Variants in ZNF114 observed in about 807,000 individuals in gnomAD.
The protein encoded by ZNF114 is zinc finger protein 114 (Y18).
Under a neutral mutation model 6.8 loss-of-function variants are expected in ZNF114, and 8 were observed. That is an observed-to-expected ratio of 1.18 (90% confidence interval 0.69 to 2.13). ZNF114 has a LOEUF of 2.13. ZNF114 is among the 30% of genes most tolerant of loss of function. The probability of loss-of-function intolerance (pLI) is 0.00; values close to 1 mark genes in which losing one functional copy is unlikely to be tolerated. For synonymous variants in ZNF114, 169 were observed against 185.5 expected (o/e 0.91, Z 0.72); for missense variants, 472 against 519.5 (o/e 0.91, Z 0.89).
Position 48,282,421 on chromosome 19 carries a change from G to A in ZNF114, c.60G>A (p.Trp20Ter). The A allele has an allele frequency of 6.2e-7, 1 of 1,613,546 alleles. No homozygotes were observed. Among genetic ancestry groups the A allele is most frequent in the Non-Finnish European group, 8.5e-7 (1 of 1,179,722 alleles). Residue 20 changes from tryptophan to a stop codon, truncating the protein, a stop_gained, in exon 5 of 6, where the codon TGG becomes TGA. Transcript: ENST00000595607. LOFTEE classifies it high-confidence loss of function. ...DVAVNFTKEE[W>*]TLLDPAQRNL... The stretch of plus-strand genomic sequence containing the variant: ...CTGTGAACTTCACCAAAGAGGAGTG[G>A]ACCCTGCTGGACCCAGCTCAGAGGA...
intron 3 of ZNF114, among the ~76,000 whole-genome samples, 176 bp from the exon 4 acceptor site, chr19:48,279,555 G>A (rs1967937509): frequency 7.7e-6 from 1 of 129,526 alleles, no homozygotes; most frequent in Non-Finnish European, 1.7e-5. Context: ...GTGAGGGGAT[G>A]GGGGTGTGTG....
In ZNF114 at chr19:48,285,790, G is replaced by A. The variant is rs781534522; in HGVS notation, c.166G>A (p.Ala56Thr). The A allele has an allele frequency of 1.6e-5, 25 of 1,609,868 alleles. No homozygotes were observed. Among genetic ancestry groups the A allele is most frequent in the Admixed American group, 1.0e-4 (6 of 58,746 alleles). The change falls in exon 6 of 6, where the codon GCA becomes ACA. Residue 56 changes from alanine (A) to threonine (T), a missense_variant. Ala to Thr is a moderately conservative substitution (Grantham distance 58, BLOSUM62 0). Transcript: ENST00000595607. The part of the protein sequence containing the change: ...DWATPCKTKD[A>T]TPQPDILPKR... ...GGCAACTCCATGTAAAACCAAAGAC[G>A]CAACCCCTCAGCCGGATATTCTTCC...
intron 3 of ZNF114, among the ~76,000 whole-genome samples, chr19:48,278,696 C>G (rs1967912849): frequency 6.6e-6 from 1 of 152,164 alleles, no homozygotes; most frequent in Admixed American, 6.5e-5. Flanking sequence ...AATTCCAGCA[C>G]TTTGGGAGGG....
At chr19:48,271,620 T>G (rs1967660672) in intron 2 of ZNF114, 107 bp from the exon 3 acceptor site, 1 of 152,234 alleles carries the variant, frequency 6.6e-6, no homozygotes, top group Admixed American at 6.5e-5. Flanking sequence ...CCTTACACCG[T>G]CCATTTTGAG....
intron 5 of ZNF114, among the ~76,000 whole-genome samples, chr19:48,284,449 G>GA (rs1019831761): frequency 6.6e-6 from 1 of 151,692 alleles, no homozygotes; most frequent in Non-Finnish European, 1.5e-5. Flanking sequence ...AAAAAAGAAA[G>GA]AAAAAAACAG....
chr19:48,275,004 C>T (rs548906593), intron 3 of ZNF114, among the ~76,000 whole-genome samples: 2 of 151,324 alleles, frequency 1.3e-5, no homozygotes, highest in Admixed American at 6.6e-5. Context: ...TGGCCAGGCA[C>T]GGTGACTCAC....
In ZNF114 at chr19:48,286,928, G is replaced by A. The variant is rs748577300; in HGVS notation, c.*50G>A. On this transcript the variant is annotated 3_prime_UTR_variant, in exon 6 of 6. Transcript: ENST00000595607. ...AATTTTCTGACTGTACCAAACATGT[G>A]AGGAGGACATATTGGAAGGGAGCTC... The A allele has an allele frequency of 6.6e-7, 1 of 1,517,582 alleles. No individual in the cohort carries two copies. The highest frequency in any genetic ancestry group is 8.8e-7 in the Non-Finnish European group (1 of 1,138,112). The allele number at this position is 1,517,582 out of a possible 1,614,324, so 94.0% of individuals were successfully genotyped here. A position where few individuals can be genotyped will look rare whatever the true frequency, so the allele number is the denominator to read the frequency against.
At chr19:48,279,916 C>A in intron 4 of ZNF114, 108 bp downstream of exon 4, 1 of 1,530,624 alleles carries the variant, frequency 6.5e-7, no homozygotes. Context: ...CCAGGCAGGG[C>A]CCCCCGCCAG....
chr19:48,270,252 A>G (rs974411071), intron 1 of ZNF114, 33 bp downstream of exon 1: 1 of 151,776 alleles, frequency 6.6e-6, no homozygotes, highest in Non-Finnish European at 1.5e-5. Flanking sequence ...AAAAAAAATT[A>G]AAATTAGCCA....
chr19:48,275,589 G>A (rs968087897), intron 3 of ZNF114, among the ~76,000 whole-genome samples: 14 of 152,086 alleles, frequency 9.2e-5, no homozygotes, highest in African/African-American at 3.4e-4. Context: ...CAGCCTGGGT[G>A]ATAGAGCGAG....
chr19:48,275,818 T>C (rs12974275), intron 3 of ZNF114, among the ~76,000 whole-genome samples: 7,486 of 151,218 alleles, frequency 0.05, 414 homozygotes, highest in Middle Eastern at 0.14. Flanking sequence ...CCGTCTCTAC[T>C]AAAAATACAA....
In ZNF114 at chr19:48,287,532, A is replaced by T. The variant is rs1415866773; in HGVS notation, c.*654A>T. On this transcript the variant is annotated 3_prime_UTR_variant, in exon 6 of 6. Transcript: ENST00000595607. ...AAAAGTAGGAAAGACCTCTTTAAAC[A>T]CTTACCACTCATGTTGCATGTGAAT... 1 of 151,870 alleles carries T rather than the reference A, an allele frequency of 6.6e-6. No individual in the cohort carries two copies. The highest frequency in any genetic ancestry group is 2.1e-4 in the South Asian group (1 of 4,818). The allele number at this position is 151,870 out of a possible 1,614,324, so 9.4% of individuals were successfully genotyped here.
chr19:48,286,487 C>T lies in ZNF114; in HGVS notation c.863C>T (p.Ala288Val). ...DCQTGATSAN[A>V]PNSGSHKSHC... Reference sequence around the variant, plus strand: ...CAAACTGGGGCAACCTCTGCCAACGCTCCAAATTCCGGTTCACACAAGAGT... The same window carrying T: ...CAAACTGGGGCAACCTCTGCCAACGTTCCAAATTCCGGTTCACACAAGAGT... Residue 288 changes from alanine (A) to valine (V), a missense_variant, in exon 6 of 6, where the codon GCT becomes GTT. By Grantham distance (64) the Ala-to-Val change is moderately conservative. Coordinates refer to ENST00000595607, the MANE Select transcript of ZNF114 (RefSeq NM_153608.4). 9 of 1,614,174 alleles carry T rather than the reference C, an allele frequency of 5.6e-6. No individual in the cohort carries two copies. Among genetic ancestry groups the T allele is most frequent in the Non-Finnish European group, 7.6e-6 (9 of 1,180,032 alleles).
Position 48,286,027 on chromosome 19 carries a change from A to T in ZNF114, c.403A>T (p.Thr135Ser). 6.2e-7 allele frequency: 1 copy of T among 1,613,952 alleles called. No individual in the cohort carries two copies. The highest frequency in any genetic ancestry group is 8.5e-7 in the Non-Finnish European group (1 of 1,180,046). Residue 135 changes from threonine (T) to serine (S), a missense_variant, in exon 6 of 6, where the codon ACC (threonine) becomes TCC (serine). Physicochemically the swap from Thr to Ser is moderately conservative, Grantham distance 58 (BLOSUM62 1). Transcript: ENST00000595607. ...DHEMRNHSKP[T>S]CRLVPSQGDS... is the part of the protein sequence containing the mutation. ...TGAAATGAGGAACCACTCTAAACCT[A>T]CCTGCAGGCTTGTGCCTTCACAGGG...
intron 1 of ZNF114, 86 bp from the exon 2 acceptor site, chr19:48,271,159 G>C (rs78221305): frequency 6.6e-6 from 1 of 152,288 alleles, no homozygotes. Context: ...GTCAACGGAT[G>C]GGGGGGAGTG....
At chr19:48,279,686 G>T (rs906563228) in intron 3 of ZNF114, 45 bp from the exon 4 acceptor site, 5 of 1,376,152 alleles carry the variant, frequency 3.6e-6, no homozygotes, top group Non-Finnish European at 5.2e-6. Flanking sequence ...CGAGTGTGGG[G>T]AAGGCAGGGT....
chr19:48,287,019 A>G lies in ZNF114; in HGVS notation c.*141A>G. On this transcript the variant is annotated 3_prime_UTR_variant, in exon 6 of 6. Transcript: ENST00000595607. ...GTATCTTACAGAAATGTGAAAAAAA[A>G]CCCTGTGAAGGTAAAGTCTACAGAA... 1 of 910,794 alleles carries G rather than the reference A, an allele frequency of 1.1e-6. No homozygotes were observed. Among genetic ancestry groups the G allele is most frequent in the East Asian group, 2.9e-5 (1 of 34,090 alleles). The allele number at this position is 910,794 out of a possible 1,614,324, so 56.4% of individuals were successfully genotyped here. A position where few individuals can be genotyped will look rare whatever the true frequency, so the allele number is the denominator to read the frequency against.
At chr19:48,274,806 T>C (rs746244995) in intron 3 of ZNF114, among the ~76,000 whole-genome samples, 5 of 151,584 alleles carry the variant, frequency 3.3e-5, no homozygotes, top group Non-Finnish European at 7.4e-5. Flanking sequence ...ACGCCTGGCC[T>C]AGAGTTATGT....
Position 48,286,868 on chromosome 19 carries a change from C to G in ZNF114, c.1244C>G (p.Pro415Arg). The G allele has an allele frequency of 6.4e-7, 1 of 1,557,620 alleles. No individual in the cohort carries two copies. Among genetic ancestry groups the G allele is most frequent in the Non-Finnish European group, 8.6e-7 (1 of 1,159,018 alleles). The change falls in exon 6 of 6, where the codon CCC becomes CGC. Residue 415 changes from proline (P) to arginine (R), a missense_variant. Physicochemically the swap from Pro to Arg is moderately radical, Grantham distance 103. Transcript: ENST00000595607. ...KHLKTHKDEK[P>R]CE ...CTTAAGACTCACAAAGATGAGAAGC[C>G]CTGTGAATGAAAGGAAGGTGGAAAA... is the stretch of plus-strand genomic sequence containing the variant.
Sources: gnomAD v4.1 joint callset for allele counts (sites outside exome capture counted in the v4.1 genomes callset) on GRCh38, gnomAD v4.1.1 for gene constraint, MANE v1.5 for transcripts, NCBI Gene and HGNC (gene_info 2026-07-23, HGNC 2026-07-21) for gene names.